TXNRD2: variants seen among roughly 807,000 people sequenced by gnomAD.
The protein encoded by TXNRD2 is thioredoxin reductase 2.
In TXNRD2, 67 loss-of-function variants were observed where a neutral mutation model predicts 70.8. The observed-to-expected ratio is 0.95, with a 90% CI of 0.78 to 1.16. The LOEUF (loss-of-function observed/expected upper bound fraction) is 1.16. TXNRD2 is among the 50% of genes most tolerant of loss of function. The pLI, the probability that TXNRD2 is intolerant of heterozygous loss-of-function variation, is 0.00. For missense variants in TXNRD2, 644 were observed against 719.9 expected (o/e 0.89, Z 1.21); for synonymous variants, 301 against 295.8 (o/e 1.02, Z -0.18).
rs533757422 is a variant in TXNRD2 at position 19,936,227 on chromosome 22, C to A, written c.104-5129G>T. Among the ~76,000 whole-genome samples the A allele has an allele frequency of 4.3e-4, 65 of 152,184 alleles. No individual in the cohort carries two copies. In the Middle Eastern group the frequency reaches 0.014, roughly 32 times the overall value. On this transcript the variant is annotated intron_variant, in intron 1 of 17. Coordinates refer to ENST00000400521, the MANE Select transcript of TXNRD2 (RefSeq NM_006440.5). ...CAATCCCGTGACACCCTGCAGTTAC[C>A]ACAGTTTTCTGAATCTGGCCACCCT...
At chr22:19,892,930 A>G (rs1939331407) in intron 11 of TXNRD2, among the ~76,000 whole-genome samples, 1 of 152,236 alleles carries the variant, frequency 6.6e-6, no homozygotes, top group African/African-American at 2.4e-5. Flanking sequence ...CTACTTTTAC[A>G]ACGTGGCTGA....
chr22:19,894,969 CAAAAAAAA>C lies in TXNRD2; in HGVS notation c.949+430_949+437del, dbSNP rs35599379. On this transcript the variant is annotated intron_variant, in intron 11 of 17. Coordinates refer to ENST00000400521, the MANE Select transcript of TXNRD2 (RefSeq NM_006440.5). ...TGGGCGACAGAGCGAGACTCCATCTCAAAAAAAAAAAAAAAAAGAAAAGAAACATACCA... is the reference window on the plus strand; with the variant it reads ...TGGGCGACAGAGCGAGACTCCATCTCAAAAAAAAAGAAAAGAAACATACCA... 8.7e-6 allele frequency: 11 copies of C among 1,271,624 alleles called. 2 individuals are homozygous for C. In the South Asian group the frequency reaches 1.6e-4, roughly 19 times the overall value. 78.8% of individuals were successfully genotyped at this position (1,271,624 alleles called of 1,614,324 possible).
At chr22:19,906,916 G>A (rs1940048820) in intron 8 of TXNRD2, among the ~76,000 whole-genome samples, 1 of 127,062 alleles carries the variant, frequency 7.9e-6, no homozygotes, top group African/African-American at 3.0e-5. Context: ...GGATAGCAGT[G>A]ACGGCTCTCA....
chr22:19,883,474 G>A lies in TXNRD2; in HGVS notation c.950-13C>T. Reference sequence around the variant, plus strand: ...TCTGGGACTCGACCTGAAGGAAACAGAGAGGGGGCTGAAAGGTTATCTTCA... The same window carrying A: ...TCTGGGACTCGACCTGAAGGAAACAAAGAGGGGGCTGAAAGGTTATCTTCA... On this transcript the variant is annotated splice_polypyrimidine_tract_variant and intron_variant, in intron 11 of 17. Coordinates refer to ENST00000400521, the MANE Select transcript of TXNRD2 (RefSeq NM_006440.5). 6.2e-7 allele frequency: 1 copy of A among 1,614,010 alleles called. No individual in the cohort carries two copies. The highest frequency in any genetic ancestry group is 8.5e-7 in the Non-Finnish European group (1 of 1,180,030).
At position 19,877,025 on chromosome 22, in the gene TXNRD2, G is replaced by GC; in HGVS notation, c.*65+14dup. ...CATGCCCTGTCCTCAAACAGAGCCA[G>GC]CCCCACCTGCATACCTGGGTCTGGC... On this transcript the variant is annotated intron_variant, in intron 17 of 17. Coordinates refer to ENST00000400521, the MANE Select transcript of TXNRD2 (RefSeq NM_006440.5). 1 of 1,510,992 alleles carries GC rather than the reference G, an allele frequency of 6.6e-7. No individual in the cohort carries two copies. The highest frequency in any genetic ancestry group is 2.4e-5 in the East Asian group (1 of 42,224). 93.6% of individuals were successfully genotyped at this position (1,510,992 alleles called of 1,614,324 possible). A position where few individuals can be genotyped will look rare whatever the true frequency, so the allele number is the denominator to read the frequency against.
intron 4 of TXNRD2, among the ~76,000 whole-genome samples, chr22:19,918,455 G>A (rs1343411831): frequency 6.6e-6 from 1 of 152,242 alleles, no homozygotes; most frequent in Non-Finnish European, 1.5e-5. Context: ...TCCAGATGCA[G>A]CTGCTCTGTG....
chr22:19,877,279 G>T, intron 16 of TXNRD2, 45 bp from the exon 17 acceptor site: 3 of 1,549,078 alleles, frequency 1.9e-6, no homozygotes, highest in African/African-American at 1.4e-5. Context: ...AGCACAGGGA[G>T]GGGGGTCCAC....
intron 2 of TXNRD2, among the ~76,000 whole-genome samples, chr22:19,927,282 G>A (rs962484812): frequency 7.2e-5 from 11 of 151,832 alleles, no homozygotes; most frequent in African/African-American, 2.4e-4. Context: ...TGACAAGAGC[G>A]AAACTCGGTC....
chr22:19,903,130 G>T (rs1939852573), intron 8 of TXNRD2: 1 of 474,280 alleles, frequency 2.1e-6, no homozygotes, highest in Admixed American at 2.3e-5. Context: ...CTCCCCCAGG[G>T]CCCAGTGTGT....
rs146962166 is a variant in TXNRD2 at position 19,916,116 on chromosome 22, C to T, written c.450-273G>A. The T allele has an allele frequency of 1.0e-4, 44 of 432,088 alleles. No individual in the cohort carries two copies. The East Asian group carries it at 2.0e-3, about 20-fold the overall frequency. The allele number at this position is 432,088 out of a possible 1,614,324, so 26.8% of individuals were successfully genotyped here. A position where few individuals can be genotyped will look rare whatever the true frequency, so the allele number is the denominator to read the frequency against. ...AGCTCAGCACGGTCCTAAGAGGCCA[C>T]GTACAGCCCTGGTGTGCAGCAAGAG... On this transcript the variant is annotated intron_variant, in intron 5 of 17. Transcript: ENST00000400521.
intron 8 of TXNRD2, among the ~76,000 whole-genome samples, chr22:19,907,904 C>T (rs10222205): frequency 9.8e-5 from 3 of 30,548 alleles, no homozygotes; most frequent in Non-Finnish European, 1.2e-4. Flanking sequence ...TAGCAGTGAC[C>T]GCTCTCAGGA....
At chr22:19,895,284 G>T (rs557397213) in intron 11 of TXNRD2, 123 bp downstream of exon 11, 1 of 1,592,128 alleles carries the variant, frequency 6.3e-7, no homozygotes, top group Non-Finnish European at 8.5e-7. Flanking sequence ...ACTGGGGAGC[G>T]GCCAACCCGC....
Position 19,919,562 on chromosome 22 carries a change from G to A in TXNRD2, c.210C>T (p.Tyr70=), listed in dbSNP as rs186462665. 2,353 of 1,563,300 alleles carry A rather than the reference G, an allele frequency of 1.5e-3. 35 individuals carry two copies. The highest frequency in any genetic ancestry group is 2.5e-4 in the Non-Finnish European group (283 of 1,154,644). ...QLGRKVAVVD[Y]VEPSPQGTRW... ...GCCTACCTTGGGGAGAAGGTTCCAC[G>A]TAGTCCACCACGGCCACCTTCCTTC... The change falls in exon 3 of 18, where the codon TAC becomes TAT. Residue 70 remains tyrosine (Y), a synonymous_variant. Coordinates refer to ENST00000400521, the MANE Select transcript of TXNRD2 (RefSeq NM_006440.5).
chr22:19,925,013 G>T (rs891056937), intron 2 of TXNRD2, among the ~76,000 whole-genome samples: 19 of 151,226 alleles, frequency 1.3e-4, no homozygotes, highest in Non-Finnish European at 2.5e-4. Context: ...GGCCAGGCAT[G>T]GTGGCTCACG....
At chr22:19,907,772 G>A (rs1797450537) in intron 8 of TXNRD2, among the ~76,000 whole-genome samples, 5 of 41,706 alleles carry the variant, frequency 1.2e-4, no homozygotes, top group Admixed American at 3.5e-4. Flanking sequence ...TGTGGGCGCC[G>A]TGGGTAGCAG....
At chr22:19,879,953 C>T (rs918351740) in intron 14 of TXNRD2, among the ~76,000 whole-genome samples, 1 of 152,166 alleles carries the variant, frequency 6.6e-6, no homozygotes. Flanking sequence ...CACATGGTGG[C>T]AGAGACCAGA....
chr22:19,904,236 T>C (rs1157356062), intron 8 of TXNRD2, among the ~76,000 whole-genome samples: 4 of 152,068 alleles, frequency 2.6e-5, no homozygotes, highest in African/African-American at 9.7e-5. Context: ...TCAGGAGTTT[T>C]CTGAGTTTTC....
At chr22:19,879,705 G>A (rs967541121) in intron 14 of TXNRD2, among the ~76,000 whole-genome samples, 1 of 152,132 alleles carries the variant, frequency 6.6e-6, no homozygotes, top group African/African-American at 2.4e-5. Flanking sequence ...TGCAAGGTGG[G>A]GACAGCACAG....
At chr22:19,929,636 C>G (rs1042680055) in intron 2 of TXNRD2, among the ~76,000 whole-genome samples, 8 of 152,146 alleles carry the variant, frequency 5.3e-5, no homozygotes, top group Non-Finnish European at 1.0e-4. Context: ...AAGAAATCAG[C>G]CCTGCCCGCA....
Sources: gnomAD v4.1 joint callset for allele counts (sites outside exome capture counted in the v4.1 genomes callset) on GRCh38, gnomAD v4.1.1 for gene constraint, MANE v1.5 for transcripts, NCBI Gene and HGNC (gene_info 2026-07-23, HGNC 2026-07-21) for gene names.